ADK: variants seen among roughly 807,000 people sequenced by gnomAD.
ADK encodes adenosine kinase.
A neutral mutation model predicts 44.7 loss-of-function variants in ADK; 24 were observed. The ratio of observed to expected loss-of-function variants is 0.54; its 90% confidence interval spans 0.39 to 0.76. The LOEUF (loss-of-function observed/expected upper bound fraction) is 0.76. Ranked by LOEUF, ADK falls within the 30% of genes least tolerant of loss-of-function variation. The pLI is 0.00. For synonymous variants in ADK, 128 were observed against 142.6 expected, an observed-to-expected ratio of 0.90 and a Z score of 0.73; for missense variants, 321 against 425.1, an observed-to-expected ratio of 0.76 and a Z score of 2.15.
intron 7 of ADK, among the ~76,000 whole-genome samples, chr10:74,577,734 C>T (rs892017984): frequency 1.3e-5 from 2 of 151,608 alleles, no homozygotes; most frequent in Non-Finnish European, 2.9e-5. Context: ...AGTTCTATTC[C>T]CTCTTCTCCC....
In ADK at chr10:74,333,376, C is replaced by T. The variant is rs16931367; in HGVS notation, c.273+18631C>T. On this transcript the variant is annotated intron_variant, in intron 4 of 10. Transcript: ENST00000539909. ...GCAGGGATACGAATGAGAAGTATAA[C>T]GCCATAGAAGGCATGAGCATTAGTA... Among the ~76,000 whole-genome samples, 72 of 152,172 alleles carry T rather than the reference C, an allele frequency of 4.7e-4. No homozygotes were observed. The East Asian group carries it at 0.011, about 22-fold the overall frequency.
chr10:74,444,820 C>T (rs1361689890), intron 6 of ADK, among the ~76,000 whole-genome samples: 1 of 151,610 alleles, frequency 6.6e-6, no homozygotes, highest in Non-Finnish European at 1.5e-5. Flanking sequence ...TTTTTTTTCC[C>T]ATAATGGTTC....
chr10:74,557,790 T>A (rs1850316079), intron 7 of ADK, among the ~76,000 whole-genome samples: 2 of 151,926 alleles, frequency 1.3e-5, no homozygotes, highest in African/African-American at 4.8e-5. Flanking sequence ...TACATAGAGG[T>A]TATACATGGG....
intron 3 of ADK, among the ~76,000 whole-genome samples, chr10:74,295,040 A>G (rs1839763509): frequency 6.6e-6 from 1 of 151,802 alleles, no homozygotes; most frequent in East Asian, 2.0e-4. Flanking sequence ...ATTTTTTGAT[A>G]GAGCTGGGGT....
intron 4 of ADK, among the ~76,000 whole-genome samples, chr10:74,361,590 ATTG>A (rs1199029581): frequency 9.2e-5 from 14 of 152,322 alleles, no homozygotes; most frequent in Admixed American, 3.9e-4. Flanking sequence ...CTTGTAACAA[ATTG>A]TTGTAGTTAT....
At chr10:74,342,262 A>G (rs534522930) in intron 4 of ADK, among the ~76,000 whole-genome samples, 1 of 152,306 alleles carries the variant, frequency 6.6e-6, no homozygotes, top group South Asian at 2.1e-4. Flanking sequence ...AAAATTTTCC[A>G]TGAATGTGGG....
intron 4 of ADK, chr10:74,344,603 A>G: frequency 4.0e-6 from 1 of 252,012 alleles, no homozygotes; most frequent in Non-Finnish European, 8.4e-6. Context: ...TGAATATTAC[A>G]TTCCTGAAGT....
intron 6 of ADK, among the ~76,000 whole-genome samples, chr10:74,439,178 T>A (rs1845303764): frequency 6.6e-6 from 1 of 152,248 alleles, no homozygotes; most frequent in Non-Finnish European, 1.5e-5. Flanking sequence ...TTATAGCAAC[T>A]GTCTGATATA....
intron 8 of ADK, among the ~76,000 whole-genome samples, chr10:74,592,047 T>G (rs1170072665): frequency 6.6e-6 from 1 of 151,666 alleles, no homozygotes; most frequent in Admixed American, 6.6e-5. Context: ...AAAAAAAAAA[T>G]CTTTAAACTG....
At chr10:74,404,177 GTT>G (rs34848917) in intron 6 of ADK, among the ~76,000 whole-genome samples, 86 of 144,668 alleles carry the variant, frequency 5.9e-4, no homozygotes, top group Non-Finnish European at 7.7e-4. Context: ...CAGCCTAATT[GTT>G]TTTTTTTTTT....
chr10:74,176,909 G>T (rs1303788461), intron 1 of ADK: 1 of 1,609,860 alleles, frequency 6.2e-7, no homozygotes, highest in South Asian at 1.1e-5. Flanking sequence ...CGGCTGCCTT[G>T]ACTGCTCCGA....
chr10:74,419,721 G>GT (rs1312686780), intron 6 of ADK, among the ~76,000 whole-genome samples: 3 of 152,124 alleles, frequency 2.0e-5, no homozygotes, highest in Admixed American at 6.6e-5. Flanking sequence ...ATTTTAGGGA[G>GT]TTTTTTAAAG....
chr10:74,548,761 C>A (rs959369090), intron 7 of ADK, among the ~76,000 whole-genome samples: 2 of 152,188 alleles, frequency 1.3e-5, no homozygotes, highest in African/African-American at 4.8e-5. Context: ...TATCCCCGAT[C>A]CCTTAAACAA....
intron 9 of ADK, among the ~76,000 whole-genome samples, chr10:74,663,317 TC>T (rs1854822750): frequency 6.6e-6 from 1 of 151,298 alleles, no homozygotes; most frequent in Non-Finnish European, 1.5e-5. Context: ...GTATTGTCTA[TC>T]CCCACTAGAA....
At chr10:74,234,792 A>C (rs1269381855) in intron 3 of ADK, among the ~76,000 whole-genome samples, 1 of 152,302 alleles carries the variant, frequency 6.6e-6, no homozygotes, top group East Asian at 1.9e-4. Flanking sequence ...TAAGATTGCA[A>C]CTGGACTTTT....
At chr10:74,247,713 T>A (rs2132324763) in intron 3 of ADK, among the ~76,000 whole-genome samples, 1 of 152,294 alleles carries the variant, frequency 6.6e-6, no homozygotes, top group Non-Finnish European at 1.5e-5. Flanking sequence ...AAAAAATGTC[T>A]AGAAAAAGGG....
intron 6 of ADK, among the ~76,000 whole-genome samples, chr10:74,411,167 A>G (rs975985728): frequency 2.6e-5 from 4 of 152,144 alleles, no homozygotes; most frequent in East Asian, 1.9e-4. Context: ...CCTTTATTTT[A>G]CAATGTCCTT....
intron 9 of ADK, among the ~76,000 whole-genome samples, chr10:74,664,248 C>G (rs903523505): frequency 2.0e-5 from 3 of 151,902 alleles, no homozygotes; most frequent in African/African-American, 7.3e-5. Flanking sequence ...GAAAGATATC[C>G]AAGATTTTAA....
chr10:74,479,841 CTTT>C (rs1350028730), intron 6 of ADK, among the ~76,000 whole-genome samples: 2 of 152,046 alleles, frequency 1.3e-5, no homozygotes, highest in Non-Finnish European at 1.5e-5. Flanking sequence ...TCTCTCACTT[CTTT>C]GTTTTAAAAT....
Sources: gnomAD v4.1 joint callset for allele counts (sites outside exome capture counted in the v4.1 genomes callset) on GRCh38, gnomAD v4.1.1 for gene constraint, MANE v1.5 for transcripts, NCBI Gene and HGNC (gene_info 2026-07-23, HGNC 2026-07-21) for gene names.